Variants in ROBO1 observed in about 807,000 individuals in gnomAD.
ROBO1 encodes roundabout homolog 1.
ROBO1 carries 149 observed loss-of-function variants against 195.9 expected under a neutral mutation model. That is an observed-to-expected ratio of 0.76 (90% CI 0.67 to 0.87). The LOEUF is 0.87. Among genes scored for constraint, ROBO1 ranks in the 40% least tolerant of loss-of-function variants. ROBO1 has a pLI of 0.00. For synonymous variants in ROBO1, 816 were observed against 733.2 expected (o/e 1.11, Z -1.82); for missense variants, 1,933 against 2,068.3 (o/e 0.93, Z 1.27).
chr3:79,719,640 G>C (rs547978950), intron 1 of ROBO1, among the ~76,000 whole-genome samples: 6 of 152,122 alleles, frequency 3.9e-5, no homozygotes, highest in African/African-American at 1.4e-4. Flanking sequence ...GTAATTTTGA[G>C]GTTATGTCGC....
intron 3 of ROBO1, among the ~76,000 whole-genome samples, chr3:79,121,531 T>G (rs552185637): frequency 6.6e-6 from 1 of 152,180 alleles, no homozygotes; most frequent in East Asian, 1.9e-4. Context: ...GTAGAAGCCC[T>G]AAATACCCCT....
At chr3:78,887,183 G>A (rs1165328693) in intron 4 of ROBO1, among the ~76,000 whole-genome samples, 1 of 152,162 alleles carries the variant, frequency 6.6e-6, no homozygotes, top group Non-Finnish European at 1.5e-5. Flanking sequence ...GGAAAGACAT[G>A]AGAAACATAC....
intron 4 of ROBO1, among the ~76,000 whole-genome samples, chr3:78,831,428 G>T (rs932907235): frequency 6.6e-6 from 1 of 152,092 alleles, no homozygotes; most frequent in African/African-American, 2.4e-5. Flanking sequence ...TACTTATTTT[G>T]ATTGTAAACT....
At chr3:78,779,512 A>G (rs2083608298) in intron 4 of ROBO1, among the ~76,000 whole-genome samples, 1 of 152,216 alleles carries the variant, frequency 6.6e-6, no homozygotes, top group Non-Finnish European at 1.5e-5. Context: ...AAAAAAGCTC[A>G]CCATCACTGG....
At chr3:79,075,287 T>A (rs1292955489) in intron 3 of ROBO1, among the ~76,000 whole-genome samples, 1 of 151,994 alleles carries the variant, frequency 6.6e-6, no homozygotes, top group Non-Finnish European at 1.5e-5. Context: ...TTCAGAGTAC[T>A]GATGTAAACA....
At chr3:79,670,936 G>A (rs1946614525) in intron 1 of ROBO1, among the ~76,000 whole-genome samples, 1 of 151,750 alleles carries the variant, frequency 6.6e-6, no homozygotes, top group Non-Finnish European at 1.5e-5. Flanking sequence ...TAATTGCTTT[G>A]AATAACTGTC....
intron 1 of ROBO1, among the ~76,000 whole-genome samples, chr3:79,683,452 C>A (rs776984788): frequency 1.3e-5 from 2 of 151,998 alleles, no homozygotes; most frequent in Non-Finnish European, 2.9e-5. Flanking sequence ...TCAAGATATA[C>A]CTAACATAAT....
intron 25 of ROBO1, among the ~76,000 whole-genome samples, chr3:78,628,430 C>T (rs1051090405): frequency 3.9e-5 from 6 of 152,144 alleles, no homozygotes; most frequent in African/African-American, 1.4e-4. Flanking sequence ...AACACAACAC[C>T]ATTCAACAAT....
intron 3 of ROBO1, among the ~76,000 whole-genome samples, chr3:79,039,582 G>A (rs1316650845): frequency 6.6e-6 from 1 of 151,998 alleles, no homozygotes; most frequent in African/African-American, 2.4e-5. Context: ...CAGATCACGA[G>A]GTCAGGAGTT....
intron 2 of ROBO1, among the ~76,000 whole-genome samples, chr3:79,233,094 G>C (rs1455031544): frequency 6.6e-6 from 1 of 151,982 alleles, no homozygotes; most frequent in Non-Finnish European, 1.5e-5. Context: ...AGTGAAAATT[G>C]TAAGAATTTT....
intron 3 of ROBO1, among the ~76,000 whole-genome samples, chr3:79,051,980 T>C (rs572051539): frequency 5.3e-4 from 81 of 152,196 alleles, no homozygotes; most frequent in African/African-American, 1.8e-3. Context: ...AAATTGTTTG[T>C]AAAACATATG....
At chr3:78,723,742 C>G (rs1302741798) in intron 5 of ROBO1, among the ~76,000 whole-genome samples, 3 of 152,188 alleles carry the variant, frequency 2.0e-5, no homozygotes, top group South Asian at 2.1e-4. Context: ...AATTATCTGA[C>G]TCAAACTGTC....
intron 2 of ROBO1, among the ~76,000 whole-genome samples, chr3:79,345,561 C>T (rs2035078188): frequency 6.6e-6 from 1 of 152,118 alleles, no homozygotes; most frequent in Non-Finnish European, 1.5e-5. Flanking sequence ...TGGGAAACTA[C>T]CCAGTGGCTT....
At chr3:79,617,383 T>C (rs545563460) in intron 1 of ROBO1, among the ~76,000 whole-genome samples, 2 of 152,128 alleles carry the variant, frequency 1.3e-5, no homozygotes, top group Non-Finnish European at 2.9e-5. Context: ...ACATGAAAAA[T>C]ATAGTGAGAT....
chr3:78,797,013 G>C (rs571048887), intron 4 of ROBO1, among the ~76,000 whole-genome samples: 1 of 152,138 alleles, frequency 6.6e-6, no homozygotes, highest in African/African-American at 2.4e-5. Context: ...TTCACCTCAT[G>C]TATTTCTTTT....
At chr3:78,638,363 G>A (rs1705688835) in intron 22 of ROBO1, among the ~76,000 whole-genome samples, 1 of 150,526 alleles carries the variant, frequency 6.6e-6, no homozygotes, top group African/African-American at 2.4e-5. Context: ...TATATATCGT[G>A]TCCTCAGGAT....
chr3:79,029,974 A>G (rs1295505449), intron 3 of ROBO1, among the ~76,000 whole-genome samples: 1 of 152,246 alleles, frequency 6.6e-6, no homozygotes, highest in Non-Finnish European at 1.5e-5. Context: ...TTCCCAAAGT[A>G]CATTAAGCAT....
intron 2 of ROBO1, among the ~76,000 whole-genome samples, chr3:79,583,691 GT>G (rs903585058): frequency 2.6e-5 from 4 of 151,514 alleles, no homozygotes; most frequent in Middle Eastern, 3.4e-3. Flanking sequence ...ATCTACTAGT[GT>G]TTTTTTTAAA....
intron 1 of ROBO1, among the ~76,000 whole-genome samples, chr3:79,747,848 G>C (rs1320419621): frequency 6.6e-6 from 1 of 151,512 alleles, no homozygotes; most frequent in Non-Finnish European, 1.5e-5. Flanking sequence ...ATGGAGATAG[G>C]ATAAATGATC....
Sources: allele counts gnomAD v4.1 joint callset (sites outside exome capture counted in the v4.1 genomes callset), GRCh38; gene constraint gnomAD v4.1.1; transcripts MANE v1.5; gene names NCBI Gene and HGNC (gene_info 2026-07-23, HGNC 2026-07-21).